SFI1: variants seen among roughly 807,000 people sequenced by gnomAD.
SFI1 encodes the protein SFI1 centrin binding protein.
A neutral mutation model predicts 207.5 loss-of-function variants in SFI1; 195 were observed. The ratio of observed to expected loss-of-function variants is 0.94; its 90% confidence interval spans 0.84 to 1.06. SFI1 has a LOEUF of 1.06. Ranked by LOEUF, SFI1 falls within the 50% of genes least tolerant of loss-of-function variation. The pLI is 0.00. For missense variants in SFI1, 1,634 were observed against 1,588.0 expected (o/e 1.03, Z -0.49); for synonymous variants, 630 against 598.9 (o/e 1.05, Z -0.76).
Position 31,546,891 on chromosome 22 carries a change from G to A in SFI1, c.369G>A (p.Lys123=). 1 of 1,611,724 alleles carries A rather than the reference G, an allele frequency of 6.2e-7. No homozygotes were observed. Among genetic ancestry groups the A allele is most frequent in the Non-Finnish European group, 8.5e-7 (1 of 1,179,014 alleles). The change falls in exon 5 of 33, where the codon AAG becomes AAA. Residue 123 remains lysine (K), a synonymous_variant. Coordinates refer to ENST00000400288, the MANE Select transcript of SFI1 (RefSeq NM_001007467.3). ...ACTATGAGCAGCGATTACTACGGAA[G>A]GTCTTCGAAGAATGGAAAGAGGAGT... ...RFYYEQRLLR[K]VFEEWKEEWW...
intron 3 of SFI1, among the ~76,000 whole-genome samples, chr22:31,530,171 C>CAA (rs1162482504): frequency 0.16 from 1,902 of 12,096 alleles, 697 homozygotes; most frequent in Non-Finnish European, 0.21. Flanking sequence ...GACTCCATCT[C>CAA]AAAAAAAAAA....
intron 2 of SFI1, among the ~76,000 whole-genome samples, chr22:31,518,192 G>A (rs947296265): frequency 2.0e-5 from 3 of 152,062 alleles, no homozygotes; most frequent in Non-Finnish European, 2.9e-5. Flanking sequence ...TCACCATGTT[G>A]GCCAGGCTGG....
rs1031776033 is a variant in SFI1, at chr22:31,578,435, C to A, written c.1138C>A (p.His380Asn). 1 of 1,613,578 alleles carries A rather than the reference C, an allele frequency of 6.2e-7. No individual in the cohort carries two copies. Among genetic ancestry groups the A allele is most frequent in the East Asian group, 2.2e-5 (1 of 44,880 alleles). Residue 380 changes from histidine to asparagine, a missense_variant, in exon 11 of 33, where the codon CAC becomes AAC. By Grantham distance (68) the His-to-Asn change is moderately conservative (BLOSUM62 1). Transcript: ENST00000400288. ...CCAGTTTGAGATGGCAGAAGAGCAC[C>A]ACAGGCACAGCCAGCTGGTAAGAGC... ...AAQFEMAEEH[H>N]RHSQLYFCFR... is the part of the protein sequence containing the mutation.
chr22:31,531,144 G>A lies in SFI1; in HGVS notation c.338+15G>A. On this transcript the variant is annotated intron_variant, in intron 4 of 32. Coordinates refer to ENST00000400288, the MANE Select transcript of SFI1 (RefSeq NM_001007467.3). The stretch of plus-strand genomic sequence containing the variant: ...TCTAAAGCCAGGTAGTATTAGCTCA[G>A]AACAACATAATTGTGTTGAGTTCAT... 6.3e-7 allele frequency: 1 copy of A among 1,596,148 alleles called. No individual in the cohort carries two copies. The highest frequency in any genetic ancestry group is 8.6e-7 in the Non-Finnish European group (1 of 1,168,110).
At chr22:31,506,118 C>T (rs568144162) in intron 1 of SFI1, among the ~76,000 whole-genome samples, 39 of 15,610 alleles carry the variant, frequency 2.5e-3, no homozygotes, top group Middle Eastern at 0.028. Context: ...GGTGTGATCT[C>T]GGTTCACTGC....
chr22:31,602,318 G>A (rs1223003342), intron 16 of SFI1, 25 bp downstream of exon 16: 1 of 1,601,760 alleles, frequency 6.2e-7, no homozygotes, highest in East Asian at 2.2e-5. Context: ...CTGAGGAGAT[G>A]TGTGGAGGGG....
In SFI1 at chr22:31,604,387, G is replaced by A; in HGVS notation, c.1960G>A (p.Ala654Thr). The change falls in exon 19 of 33, where the codon GCG (alanine) becomes ACG (threonine). Residue 654 changes from alanine (A) to threonine (T), a missense_variant. Ala to Thr is a moderately conservative substitution (Grantham distance 58). Transcript: ENST00000400288. ...LHHQHSVLHR[A>T]LQAWVTYQGR... Reference sequence around the variant, plus strand: ...CCACCAGCACAGCGTGCTGCACAGGGCGCTGCAGGCATGGGTGGTAGGAAC... The same window carrying A: ...CCACCAGCACAGCGTGCTGCACAGGACGCTGCAGGCATGGGTGGTAGGAAC... 1 of 1,551,518 alleles carries A rather than the reference G, an allele frequency of 6.4e-7. No homozygotes were observed. The highest frequency in any genetic ancestry group is 8.7e-7 in the Non-Finnish European group (1 of 1,151,578).
chr22:31,552,690 C>T (rs549960776), intron 6 of SFI1, among the ~76,000 whole-genome samples: 31 of 152,190 alleles, frequency 2.0e-4, no homozygotes, highest in African/African-American at 5.5e-4. Flanking sequence ...GGTAGATTCC[C>T]GCTAGTGGGA....
chr22:31,497,767 A>G lies in SFI1; in HGVS notation c.-31+1130A>G, dbSNP rs188105310. ...TCTCTTTACTGAATGTCTTTACATC[A>G]TATTTACAGTGTGGTTTACTGAATA... is the stretch of plus-strand genomic sequence containing the variant. On this transcript the variant is annotated intron_variant, in intron 1 of 32. Coordinates refer to ENST00000400288, the MANE Select transcript of SFI1 (RefSeq NM_001007467.3). 3.8e-4 allele frequency among the ~76,000 whole-genome samples: 58 copies of G among 152,310 alleles called. 1 individual carries two copies. The highest frequency in any genetic ancestry group is 1.0e-3 in the African/African-American group (43 of 41,570).
intron 10 of SFI1, among the ~76,000 whole-genome samples, chr22:31,577,545 C>G (rs1270870228): frequency 1.3e-5 from 2 of 152,104 alleles, no homozygotes; most frequent in Non-Finnish European, 2.9e-5. Context: ...GTAGGTGAAA[C>G]TACAGGCACA....
intron 1 of SFI1, among the ~76,000 whole-genome samples, chr22:31,500,124 G>C (rs2053479823): frequency 6.6e-6 from 1 of 150,700 alleles, no homozygotes; most frequent in Non-Finnish European, 1.5e-5. Context: ...TTCAAGACCA[G>C]CCTGGCCAAC....
chr22:31,590,185 T>C (rs893812498), intron 15 of SFI1, among the ~76,000 whole-genome samples: 25 of 150,698 alleles, frequency 1.7e-4, no homozygotes, highest in African/African-American at 6.1e-4. Flanking sequence ...AGAAGTCTGC[T>C]CTACTGAGCC....
intron 29 of SFI1, chr22:31,615,567 G>A: frequency 2.9e-6 from 1 of 346,324 alleles, no homozygotes; most frequent in Non-Finnish European, 5.2e-6. Context: ...GTAGGGTCCT[G>A]CAGGCCACAG....
In SFI1 at chr22:31,583,901, G is replaced by A. The variant is rs1018995785; in HGVS notation, c.1275G>A (p.Trp425Ter). The change falls in exon 13 of 33, where the codon TGG becomes TGA. Residue 425 changes from tryptophan to a stop codon, truncating the protein, a stop_gained. Coordinates refer to ENST00000400288, the MANE Select transcript of SFI1 (RefSeq NM_001007467.3). LOFTEE classifies it high-confidence loss of function. ...VTLLHRFWNL[W>*]RSQIEQKKER... ...TGCTGCACAGGTTCTGGAACCTCTG[G>A]CGGTCTCAGATTGAGCAGAAAAAGG... 3.7e-6 allele frequency: 6 copies of A among 1,613,948 alleles called. No individual in the cohort carries two copies. Among genetic ancestry groups the A allele is most frequent in the African/African-American group, 2.7e-5 (2 of 74,870 alleles).
intron 2 of SFI1, among the ~76,000 whole-genome samples, chr22:31,513,029 C>T (rs1283306575): frequency 6.6e-6 from 1 of 152,144 alleles, no homozygotes; most frequent in African/African-American, 2.4e-5. Context: ...CCATGTTGGC[C>T]AGGCTGGTCT....
In SFI1 at chr22:31,616,792, ATCCCTGGCCAGTG is replaced by A; in HGVS notation, c.3355_3367del (p.Ala1119ThrfsTer64). 1 of 1,607,714 alleles carries A rather than the reference ATCCCTGGCCAGTG, an allele frequency of 6.2e-7. No homozygotes were observed. Among genetic ancestry groups the A allele is most frequent in the Non-Finnish European group, 8.5e-7 (1 of 1,177,256 alleles). ...CTAGGGATAAGCCCCCGGTCCCCTC[ATCCCTGGCCAGTG>A]TCCCTGACCCCCATCTACTCCTTCC... On this transcript the variant is annotated frameshift_variant, in exon 30 of 33. Transcript: ENST00000400288. LOFTEE classifies it high-confidence loss of function.
intron 29 of SFI1, 88 bp from the exon 30 acceptor site, chr22:31,616,657 A>G: frequency 7.1e-7 from 1 of 1,404,514 alleles, no homozygotes; most frequent in Non-Finnish European, 9.6e-7. Flanking sequence ...CCACCCCTGC[A>G]GGGCAGGCAG....
rs527327609 is a variant in SFI1 at position 31,518,015 on chromosome 22, G to C, written c.92+9639G>C. Among the ~76,000 whole-genome samples the C allele has an allele frequency of 2.0e-5, 3 of 152,166 alleles. No homozygotes were observed. The South Asian group carries it at 6.2e-4, about 32-fold the overall frequency. Reference sequence around the variant, plus strand: ...GTTTTTTTGTTTGTTTGTTTTTTAAGACAGTCTTCCTCTGTCGCCCAGCAG... The same window carrying C: ...GTTTTTTTGTTTGTTTGTTTTTTAACACAGTCTTCCTCTGTCGCCCAGCAG... On this transcript the variant is annotated intron_variant, in intron 2 of 32. Transcript: ENST00000400288.
At chr22:31,524,938 G>A (rs896259712) in intron 2 of SFI1, among the ~76,000 whole-genome samples, 6 of 151,946 alleles carry the variant, frequency 3.9e-5, no homozygotes, top group Non-Finnish European at 7.4e-5. Flanking sequence ...GGGATTACAG[G>A]TGCATGCCAC....
Sources: allele counts gnomAD v4.1 joint callset (sites outside exome capture counted in the v4.1 genomes callset), GRCh38; gene constraint gnomAD v4.1.1; transcripts MANE v1.5; gene names NCBI Gene and HGNC (gene_info 2026-07-23, HGNC 2026-07-21).